Variants in MYO1H observed in about 807,000 individuals in gnomAD.
MYO1H encodes myosin IH.
Under a neutral mutation model 149.3 loss-of-function variants are expected in MYO1H, and 118 were observed. The ratio of observed to expected loss-of-function variants is 0.79; its 90% CI spans 0.68 to 0.92. MYO1H has a LOEUF of 0.92. Among genes scored for constraint, MYO1H ranks in the 40% least tolerant of loss-of-function variants. MYO1H has a pLI of 0.00. For missense variants in MYO1H, 1,212 were observed against 1,280.7 expected, an observed-to-expected ratio of 0.95 and a Z score of 0.82; for synonymous variants, 447 against 465.2, an observed-to-expected ratio of 0.96 and a Z score of 0.50.
the MYO1H span, among the ~76,000 whole-genome samples, chr12:109,338,314 A>G: frequency 2.1e-4 from 32 of 152,312 alleles, no homozygotes; most frequent in African/African-American, 7.2e-4. Flanking sequence ...GAAAAAAGCC[A>G]TAGGCCCAGT....
intron 16 of MYO1H, among the ~76,000 whole-genome samples, chr12:109,422,640 C>G (rs1871222892): frequency 6.6e-6 from 1 of 152,214 alleles, no homozygotes; most frequent in South Asian, 2.1e-4. Context: ...CTTCACCCAC[C>G]AGGGCTGAAG....
intron 12 of MYO1H, 113 bp downstream of exon 12, chr12:109,410,181 G>T (rs567345954): frequency 4.3e-5 from 23 of 530,154 alleles, no homozygotes; most frequent in African/African-American, 1.6e-4. Flanking sequence ...TCACTCTGTC[G>T]CCCAGGCTGG....
chr12:109,431,992 A>T (rs1272098481), intron 19 of MYO1H, among the ~76,000 whole-genome samples: 8 of 85,738 alleles, frequency 9.3e-5, no homozygotes, highest in African/African-American at 2.1e-4. Flanking sequence ...TAAAAAAAAA[A>T]TTTTTTTTTT....
At chr12:109,313,571 G>A in the MYO1H span, among the ~76,000 whole-genome samples, 3 of 152,194 alleles carry the variant, frequency 2.0e-5, no homozygotes, top group East Asian at 3.8e-4. Flanking sequence ...TTTAATAAGA[G>A]GATGCTAAAC....
chr12:109,444,387 AAG>A (rs771764167), intron 29 of MYO1H, 43 bp from the exon 30 acceptor site: 13 of 1,583,938 alleles, frequency 8.2e-6, no homozygotes, highest in Non-Finnish European at 1.1e-5. Flanking sequence ...CTGTTTCTTT[AAG>A]CTGTGAATAC....
chr12:109,440,783 G>A (rs771291175), exon 25 of MYO1H: 4 of 1,566,562 alleles, frequency 2.6e-6, no homozygotes, highest in South Asian at 1.2e-5. Flanking sequence ...GAGGAACCTG[G>A]TGCAGAAGTA....
chr12:109,325,369 A>G, the MYO1H span, among the ~76,000 whole-genome samples: 1 of 152,348 alleles, frequency 6.6e-6, no homozygotes, highest in Admixed American at 6.5e-5. Context: ...GGTGCTGGGA[A>G]AACTGGCTAG....
intron 1 of MYO1H, among the ~76,000 whole-genome samples, chr12:109,383,675 A>G (rs1021014719): frequency 2.0e-5 from 3 of 152,216 alleles, no homozygotes; most frequent in East Asian, 1.9e-4. Context: ...TGTCACTTCT[A>G]TTTACAGCCA....
At chr12:109,319,799 A>G in the MYO1H span, among the ~76,000 whole-genome samples, 5 of 152,170 alleles carry the variant, frequency 3.3e-5, no homozygotes, top group Non-Finnish European at 7.4e-5. Context: ...GATGTTGCCC[A>G]CATCATAACG....
chr12:109,432,751 G>A, intron 19 of MYO1H, 146 bp from the exon 20 acceptor site: 2 of 635,682 alleles, frequency 3.1e-6, no homozygotes, highest in Non-Finnish European at 2.8e-6. Context: ...CTTTGAATTC[G>A]AGAAAGTTCG....
rs950871226 is a variant in MYO1H at position 109,399,575 on chromosome 12, G to A, written c.571-1518G>A. Among the ~76,000 whole-genome samples, 5 of 130,576 alleles carry A rather than the reference G, an allele frequency of 3.8e-5. No homozygotes were observed. In the Admixed American group the frequency reaches 4.5e-4, roughly 12 times the overall value. The allele number at this position is 130,576 out of a possible 152,430, so 85.7% of individuals were successfully genotyped here. On this transcript the variant is annotated intron_variant, in intron 5 of 31. Coordinates refer to ENST00000310903, the Ensembl canonical transcript of MYO1H. Reference sequence around the variant, plus strand: ...CCACTGCACTCCAGCCTGAGCAAGAGAGTGAGACTCTGTCTCAAAAAAAAA... The same window carrying A: ...CCACTGCACTCCAGCCTGAGCAAGAAAGTGAGACTCTGTCTCAAAAAAAAA...
intron 4 of MYO1H, 128 bp downstream of exon 4, chr12:109,396,710 C>T (rs1480526697): frequency 1.4e-6 from 1 of 736,460 alleles, no homozygotes; most frequent in Non-Finnish European, 2.1e-6. Context: ...CAGATAGTGT[C>T]ACAGTTAAGG....
intron 1 of MYO1H, among the ~76,000 whole-genome samples, chr12:109,365,848 C>T (rs1320881595): frequency 6.6e-6 from 1 of 152,106 alleles, no homozygotes; most frequent in East Asian, 1.9e-4. Flanking sequence ...GGTACCGGTC[C>T]GTGGCCTGTT....
chr12:109,403,911 CAG>C (rs1436289971), intron 6 of MYO1H, 69 bp from the exon 7 acceptor site: 12 of 1,032,040 alleles, frequency 1.2e-5, no homozygotes, highest in Non-Finnish European at 1.8e-5. Flanking sequence ...TTTGCATCTT[CAG>C]AGAGGAATAG....
intron 23 of MYO1H, 90 bp downstream of exon 23, chr12:109,438,710 T>G (rs1871979047): frequency 9.9e-7 from 1 of 1,008,806 alleles, no homozygotes; most frequent in East Asian, 2.6e-5. Context: ...TCTTTGTGAT[T>G]TTTTGATTTG....
At chr12:109,409,498 G>A in intron 10 of MYO1H, 59 bp from the exon 11 acceptor site, 1 of 1,470,974 alleles carries the variant, frequency 6.8e-7, no homozygotes, top group Non-Finnish European at 9.5e-7. Flanking sequence ...AGCAGCAACA[G>A]TTTTGAGTAG....
chr12:109,409,521 GACCTA>G (rs2135558902), intron 10 of MYO1H, 31 bp from the exon 11 acceptor site: 2 of 1,585,610 alleles, frequency 1.3e-6, no homozygotes, highest in Non-Finnish European at 1.7e-6. Context: ...CAAAGGAAAA[GACCTA>G]ACTATGAATG....
At chr12:109,365,365 T>G (rs1566019158) in intron 1 of MYO1H, among the ~76,000 whole-genome samples, 1 of 152,240 alleles carries the variant, frequency 6.6e-6, no homozygotes, top group Non-Finnish European at 1.5e-5. Flanking sequence ...CAATTCCAGT[T>G]CCGTCATGAA....
At chr12:109,311,737 TA>T in the MYO1H span, among the ~76,000 whole-genome samples, 1 of 152,208 alleles carries the variant, frequency 6.6e-6, no homozygotes, top group African/African-American at 2.4e-5. Context: ...TGCTCCGGTG[TA>T]GGGAGAGGAT....
Sources: allele counts gnomAD v4.1 joint callset (sites outside exome capture counted in the v4.1 genomes callset), GRCh38; gene constraint gnomAD v4.1.1; transcripts MANE v1.5; gene names NCBI Gene and HGNC (gene_info 2026-07-23, HGNC 2026-07-21).